LRRC30: variants seen among roughly 807,000 people sequenced by gnomAD.
LRRC30 encodes leucine-rich repeat-containing protein 30.
Under a neutral mutation model 14.8 loss-of-function variants are expected in LRRC30, and 10 were observed. The ratio of observed to expected loss-of-function variants is 0.68; its 90% CI spans 0.42 to 1.15. The LOEUF is 1.15. Among genes scored for constraint, LRRC30 ranks in the 50% most tolerant of loss-of-function variants. The pLI, the probability that LRRC30 is intolerant of heterozygous loss-of-function variation, is 0.00. For missense variants in LRRC30, 403 were observed against 373.9 expected, an observed-to-expected ratio of 1.08 and a Z score of -0.64; for synonymous variants, 202 against 175.7, an observed-to-expected ratio of 1.15 and a Z score of -1.18.
Position 7,231,093 on chromosome 18 carries a change from C to T in LRRC30, c.-46C>T. On this transcript the variant is annotated 5_prime_UTR_variant, in exon 1 of 1. Transcript: ENST00000383467. ...TTTTAGCAGCTGAGAGGACACGGTC[C>T]CTGCCTGGGAGGTGGCAGAGGAGAG... is the stretch of plus-strand genomic sequence containing the variant. 1 of 1,529,740 alleles carries T rather than the reference C, an allele frequency of 6.5e-7. No homozygotes were observed. The highest frequency in any genetic ancestry group is 1.3e-5 in the South Asian group (1 of 77,198). 94.8% of individuals were successfully genotyped at this position (1,529,740 alleles called of 1,614,324 possible).
rs369026443 is a variant in LRRC30, at chr18:7,231,128, G to A, written c.-11G>A. The A allele has an allele frequency of 1.9e-5, 29 of 1,564,024 alleles. No homozygotes were observed. The highest frequency in any genetic ancestry group is 4.1e-5 in the African/African-American group (3 of 73,746). ...AGGTGGCAGAGGAGAGTGACTAGAA[G>A]GGAAGGTACAATGGGGGCCAGGCAG... On this transcript the variant is annotated 5_prime_UTR_variant, in exon 1 of 1. Coordinates refer to ENST00000383467, the MANE Select transcript of LRRC30 (RefSeq NM_001105581.3).
In LRRC30 at chr18:7,231,238, C is replaced by T. The variant is rs1335155013; in HGVS notation, c.100C>T (p.Leu34=). ...RQKFSPWDDA[L]LSGRDPRSLL... ...GAAGTTTTCTCCGTGGGACGATGCC[C>T]TGCTCTCGGGAAGGGACCCGCGGTC... Residue 34 remains leucine, a synonymous_variant, in exon 1 of 1, where the codon CTG becomes TTG. Coordinates refer to ENST00000383467, the MANE Select transcript of LRRC30 (RefSeq NM_001105581.3). 1.2e-6 allele frequency: 2 copies of T among 1,613,898 alleles called. No homozygotes were observed. Among genetic ancestry groups the T allele is most frequent in the African/African-American group, 2.7e-5 (2 of 74,936 alleles).
rs373958488 is a variant in LRRC30, at chr18:7,231,432, C to A, written c.294C>A (p.Val98=). ...TGGGGAAACTGACCCGGATCGTGGTCCTGAACTTGTGCGGGAACCGCCTGA... is the reference window on the plus strand; with the variant it reads ...TGGGGAAACTGACCCGGATCGTGGTACTGAACTTGTGCGGGAACCGCCTGA... ...PEVGKLTRIV[V]LNLCGNRLKS... is the part of the protein sequence containing the mutation. The change falls in exon 1 of 1, where the codon GTC becomes GTA. Residue 98 remains valine, a synonymous_variant. Coordinates refer to ENST00000383467, the MANE Select transcript of LRRC30 (RefSeq NM_001105581.3). The A allele has an allele frequency of 1.7e-5, 28 of 1,614,166 alleles. No individual in the cohort carries two copies. The East Asian group carries it at 6.2e-4, about 36-fold the overall frequency.
In LRRC30 at chr18:7,231,383, A is replaced by T. The variant is rs1356695425; in HGVS notation, c.245A>T (p.Gln82Leu). The T allele has an allele frequency of 1.2e-6, 2 of 1,614,214 alleles. No homozygotes were observed. Among genetic ancestry groups the T allele is most frequent in the Admixed American group, 1.7e-5 (1 of 60,024 alleles). ...EVQKLNLSHN[Q>L]LRVLPPEVGK... ...CAGAAACTCAATCTGTCTCACAACC[A>T]GCTCCGGGTTCTCCCTCCCGAGGTG... Residue 82 changes from glutamine (Q) to leucine (L), a missense_variant, in exon 1 of 1, where the codon CAG becomes CTG. Coordinates refer to ENST00000383467, the MANE Select transcript of LRRC30 (RefSeq NM_001105581.3).
In LRRC30 at chr18:7,231,189, G is replaced by T; in HGVS notation, c.51G>T (p.Arg17Ser). The T allele has an allele frequency of 6.2e-7, 1 of 1,610,878 alleles. No individual in the cohort carries two copies. Among genetic ancestry groups the T allele is most frequent in the Non-Finnish European group, 8.5e-7 (1 of 1,177,444 alleles). ...RASSKDKGPK[R>S]MLFTGRRQKF... is the part of the protein sequence containing the mutation. ...GCTCCAAGGATAAGGGCCCCAAGAG[G>T]ATGCTGTTCACGGGGAGGAGACAGA... The change falls in exon 1 of 1, where the codon AGG (arginine) becomes AGT (serine). Residue 17 changes from arginine (R) to serine (S), a missense_variant. Coordinates refer to ENST00000383467, the MANE Select transcript of LRRC30 (RefSeq NM_001105581.3).
chr18:7,231,928 C>A lies in LRRC30; in HGVS notation c.790C>A (p.Pro264Thr). 6.2e-7 allele frequency: 1 copy of A among 1,612,972 alleles called. No individual in the cohort carries two copies. The highest frequency in any genetic ancestry group is 8.5e-7 in the Non-Finnish European group (1 of 1,179,622). ...LCRLVRIAWN[P>T]MDKGLHISHN... ...TAGACTGGTGAGGATCGCCTGGAAT[C>A]CCATGGACAAAGGGCTCCACATTTC... The change falls in exon 1 of 1, where the codon CCC (proline) becomes ACC (threonine). Residue 264 changes from proline to threonine, a missense_variant. Pro to Thr is a conservative substitution (Grantham distance 38). Coordinates refer to ENST00000383467, the MANE Select transcript of LRRC30 (RefSeq NM_001105581.3).
Position 7,231,539 on chromosome 18 carries a change from C to T in LRRC30, c.401C>T (p.Ala134Val). 1.2e-6 allele frequency: 2 copies of T among 1,613,482 alleles called. No homozygotes were observed. Among genetic ancestry groups the T allele is most frequent in the Non-Finnish European group, 1.7e-6 (2 of 1,180,030 alleles). Residue 134 changes from alanine to valine, a missense_variant, in exon 1 of 1, where the codon GCC becomes GTC. By Grantham distance (64) the Ala-to-Val change is moderately conservative. Transcript: ENST00000383467. Reference sequence around the variant, plus strand: ...ATGAACTGCCTGACAGAGGTGCCGGCCGAGCTGAGCTTGTGCCGAAAGCTG... The same window carrying T: ...ATGAACTGCCTGACAGAGGTGCCGGTCGAGCTGAGCTTGTGCCGAAAGCTG... ...VNMNCLTEVP[A>V]ELSLCRKLEV...
Position 7,231,596 on chromosome 18 carries a change from C to T in LRRC30, c.458C>T (p.Ser153Phe). ...EVLSLSHNCL[S>F]QLPACFADLS... ...CTGAGCTTGTCGCACAACTGCCTGT[C>T]CCAGCTCCCTGCATGCTTCGCCGAC... Residue 153 changes from serine to phenylalanine, a missense_variant, in exon 1 of 1, where the codon TCC (serine) becomes TTC (phenylalanine). Transcript: ENST00000383467. 1 of 1,614,038 alleles carries T rather than the reference C, an allele frequency of 6.2e-7. No homozygotes were observed. The highest frequency in any genetic ancestry group is 2.2e-5 in the East Asian group (1 of 44,884).
At position 7,231,487 on chromosome 18, in the gene LRRC30, C is replaced by T. The variant is rs780254963; in HGVS notation, c.349C>T (p.Gln117Ter). The change falls in exon 1 of 1, where the codon CAG becomes TAG. Residue 117 changes from glutamine to a stop codon, truncating the protein, a stop_gained. Transcript: ENST00000383467. LOFTEE classifies it high-confidence loss of function. ...KSLPREVSLLQCLKVLFVNMN... is the reference protein window; with the variant it reads ...KSLPREVSLL The stretch of plus-strand genomic sequence containing the variant: ...CCTGCCCAGAGAAGTGAGCCTCCTA[C>T]AGTGCCTCAAGGTCCTGTTTGTCAA... The T allele has an allele frequency of 1.2e-6, 2 of 1,613,742 alleles. No homozygotes were observed. The highest frequency in any genetic ancestry group is 1.7e-6 in the Non-Finnish European group (2 of 1,180,052).
At position 7,231,232 on chromosome 18, in the gene LRRC30, G is replaced by T; in HGVS notation, c.94G>T (p.Asp32Tyr). Residue 32 changes from aspartate to tyrosine, a missense_variant, in exon 1 of 1, where the codon GAT (aspartate) becomes TAT (tyrosine). By Grantham distance (160) the Asp-to-Tyr change is radical (BLOSUM62 -3). Coordinates refer to ENST00000383467, the MANE Select transcript of LRRC30 (RefSeq NM_001105581.3). ...GRRQKFSPWDDALLSGRDPRS... is the reference protein window; with the variant it reads ...GRRQKFSPWDYALLSGRDPRS... ...GAGACAGAAGTTTTCTCCGTGGGAC[G>T]ATGCCCTGCTCTCGGGAAGGGACCC... The T allele has an allele frequency of 6.2e-7, 1 of 1,613,838 alleles. No individual in the cohort carries two copies. Among genetic ancestry groups the T allele is most frequent in the South Asian group, 1.1e-5 (1 of 91,074 alleles).
Position 7,231,526 on chromosome 18 carries a change from A to C in LRRC30, c.388A>C (p.Thr130Pro). ...CCTGTTTGTCAACATGAACTGCCTG[A>C]CAGAGGTGCCGGCCGAGCTGAGCTT... is the stretch of plus-strand genomic sequence containing the variant. ...KVLFVNMNCL[T>P]EVPAELSLCR... Residue 130 changes from threonine (T) to proline (P), a missense_variant, in exon 1 of 1, where the codon ACA (threonine) becomes CCA (proline). Transcript: ENST00000383467. 6.2e-7 allele frequency: 1 copy of C among 1,613,454 alleles called. No individual in the cohort carries two copies. The highest frequency in any genetic ancestry group is 8.5e-7 in the Non-Finnish European group (1 of 1,180,022).
rs746658153 is a variant in LRRC30, at chr18:7,231,619, G to A, written c.481G>A (p.Asp161Asn). Residue 161 changes from aspartate to asparagine, a missense_variant, in exon 1 of 1, where the codon GAC becomes AAC. Asp to Asn is a conservative substitution (Grantham distance 23). Coordinates refer to ENST00000383467, the MANE Select transcript of LRRC30 (RefSeq NM_001105581.3). Reference sequence around the variant, plus strand: ...GTCCCAGCTCCCTGCATGCTTCGCCGACCTCTCTAGACTGAGGAAGCTAAA... The same window carrying A: ...GTCCCAGCTCCCTGCATGCTTCGCCAACCTCTCTAGACTGAGGAAGCTAAA... ...CLSQLPACFA[D>N]LSRLRKLNLS... The A allele has an allele frequency of 3.1e-6, 5 of 1,613,914 alleles. No homozygotes were observed. The East Asian group carries it at 8.9e-5, about 29-fold the overall frequency.
chr18:7,231,960 C>G lies in LRRC30; in HGVS notation c.822C>G (p.Asn274Lys). ...ACAAAGGGCTCCACATTTCCCACAA[C>G]CCTTTATCCAAGCCTCTGCCGGAGC... ...PMDKGLHISH[N>K]PLSKPLPELV... The change falls in exon 1 of 1, where the codon AAC becomes AAG. Residue 274 changes from asparagine (N) to lysine (K), a missense_variant. Physicochemically the swap from Asn to Lys is moderately conservative, Grantham distance 94. Coordinates refer to ENST00000383467, the MANE Select transcript of LRRC30 (RefSeq NM_001105581.3). 1 of 1,614,088 alleles carries G rather than the reference C, an allele frequency of 6.2e-7. No homozygotes were observed. The highest frequency in any genetic ancestry group is 8.5e-7 in the Non-Finnish European group (1 of 1,180,022).
rs768686004 is a variant in LRRC30 at position 7,231,252 on chromosome 18, G to C, written c.114G>C (p.Arg38Ser). The C allele has an allele frequency of 1.9e-6, 3 of 1,614,174 alleles. No individual in the cohort carries two copies. Among genetic ancestry groups the C allele is most frequent in the Non-Finnish European group, 2.5e-6 (3 of 1,180,008 alleles). Residue 38 changes from arginine to serine, a missense_variant, in exon 1 of 1, where the codon AGG becomes AGC. Physicochemically the swap from Arg to Ser is moderately radical, Grantham distance 110 (BLOSUM62 -1). Transcript: ENST00000383467. ...SPWDDALLSG[R>S]DPRSLLKRGM... The stretch of plus-strand genomic sequence containing the variant: ...GGGACGATGCCCTGCTCTCGGGAAG[G>C]GACCCGCGGTCCCTGCTGAAGCGGG...
rs1454265672 is a variant in LRRC30, at chr18:7,231,491, G to T, written c.353G>T (p.Cys118Phe). ...SLPREVSLLQ[C>F]LKVLFVNMNC... ...CCCAGAGAAGTGAGCCTCCTACAGT[G>T]CCTCAAGGTCCTGTTTGTCAACATG... is the stretch of plus-strand genomic sequence containing the variant. The change falls in exon 1 of 1, where the codon TGC becomes TTC. Residue 118 changes from cysteine (C) to phenylalanine (F), a missense_variant. By Grantham distance (205) the Cys-to-Phe change is radical. Transcript: ENST00000383467. 1.2e-6 allele frequency: 2 copies of T among 1,613,580 alleles called. No homozygotes were observed. The highest frequency in any genetic ancestry group is 1.7e-5 in the Admixed American group (1 of 60,002).
Position 7,231,351 on chromosome 18 carries a change from C to G in LRRC30, c.213C>G (p.Ser71=), listed in dbSNP as rs1406157492. 3 of 1,614,226 alleles carry G rather than the reference C, an allele frequency of 1.9e-6. No homozygotes were observed. The highest frequency in any genetic ancestry group is 1.6e-4 in the Middle Eastern group (1 of 6,062). Residue 71 remains serine, a synonymous_variant, in exon 1 of 1, where the codon TCC becomes TCG. Transcript: ENST00000383467. ...TCCCCGACTTTCTGTGGGGCTTGTCCGAGGTCCAGAAACTCAATCTGTCTC... is the reference window on the plus strand; with the variant it reads ...TCCCCGACTTTCTGTGGGGCTTGTCGGAGGTCCAGAAACTCAATCTGTCTC... The part of the protein sequence containing the change: ...TDIPDFLWGL[S]EVQKLNLSHN...
rs781005693 is a variant in LRRC30 at position 7,231,182 on chromosome 18, C to G, written c.44C>G (p.Pro15Arg). The G allele has an allele frequency of 1.2e-6, 2 of 1,609,368 alleles. No individual in the cohort carries two copies. The highest frequency in any genetic ancestry group is 1.7e-6 in the Non-Finnish European group (2 of 1,176,588). The change falls in exon 1 of 1, where the codon CCC (proline) becomes CGC (arginine). Residue 15 changes from proline to arginine, a missense_variant. Coordinates refer to ENST00000383467, the MANE Select transcript of LRRC30 (RefSeq NM_001105581.3). ...AGGGCCAGCTCCAAGGATAAGGGCC[C>G]CAAGAGGATGCTGTTCACGGGGAGG... is the stretch of plus-strand genomic sequence containing the variant. Reference protein sequence around the residue: ...QSRASSKDKGPKRMLFTGRRQ... With the variant: ...QSRASSKDKGRKRMLFTGRRQ...
Position 7,231,362 on chromosome 18 carries a change from A to C in LRRC30, c.224A>C (p.Lys75Thr). The C allele has an allele frequency of 6.2e-7, 1 of 1,614,200 alleles. No individual in the cohort carries two copies. The highest frequency in any genetic ancestry group is 8.5e-7 in the Non-Finnish European group (1 of 1,180,046). The change falls in exon 1 of 1, where the codon AAA (lysine) becomes ACA (threonine). Residue 75 changes from lysine (K) to threonine (T), a missense_variant. Coordinates refer to ENST00000383467, the MANE Select transcript of LRRC30 (RefSeq NM_001105581.3). The part of the protein sequence containing the change: ...DFLWGLSEVQ[K>T]LNLSHNQLRV... Reference sequence around the variant, plus strand: ...CTGTGGGGCTTGTCCGAGGTCCAGAAACTCAATCTGTCTCACAACCAGCTC... The same window carrying C: ...CTGTGGGGCTTGTCCGAGGTCCAGACACTCAATCTGTCTCACAACCAGCTC...
rs746658153 is a variant in LRRC30 at position 7,231,619 on chromosome 18, G to C, written c.481G>C (p.Asp161His). 1.9e-6 allele frequency: 3 copies of C among 1,614,032 alleles called. No homozygotes were observed. The highest frequency in any genetic ancestry group is 2.2e-5 in the South Asian group (2 of 91,074). Residue 161 changes from aspartate to histidine, a missense_variant, in exon 1 of 1, where the codon GAC becomes CAC. Asp to His is a moderately conservative substitution (Grantham distance 81). Coordinates refer to ENST00000383467, the MANE Select transcript of LRRC30 (RefSeq NM_001105581.3). Reference sequence around the variant, plus strand: ...GTCCCAGCTCCCTGCATGCTTCGCCGACCTCTCTAGACTGAGGAAGCTAAA... The same window carrying C: ...GTCCCAGCTCCCTGCATGCTTCGCCCACCTCTCTAGACTGAGGAAGCTAAA... ...CLSQLPACFA[D>H]LSRLRKLNLS...
Sources: gnomAD v4.1 joint callset for allele counts on GRCh38, gnomAD v4.1.1 for gene constraint, MANE v1.5 for transcripts, NCBI Gene and HGNC (gene_info 2026-07-23, HGNC 2026-07-21) for gene names.